Variants in CADPS2 observed in about 807,000 individuals in gnomAD.
CADPS2 encodes calcium dependent secretion activator 2.
A neutral mutation model predicts 172.5 loss-of-function variants in CADPS2; 93 were observed. The observed-to-expected ratio is 0.54, with a 90% CI of 0.46 to 0.64. CADPS2 has a LOEUF of 0.64. CADPS2 is among the 30% of genes least tolerant of loss of function. The probability of loss-of-function intolerance (pLI) is 0.00; values close to 1 mark genes in which losing one functional copy is unlikely to be tolerated. For synonymous variants in CADPS2, 546 were observed against 555.2 expected (o/e 0.98, Z 0.23); for missense variants, 1,420 against 1,565.9 (o/e 0.91, Z 1.57).
intron 25 of CADPS2, among the ~76,000 whole-genome samples, chr7:122,363,638 A>G (rs1469268815): frequency 6.6e-6 from 1 of 151,956 alleles, no homozygotes; most frequent in African/African-American, 2.4e-5. Flanking sequence ...ACTTCTCAGT[A>G]AAGTGGGGAA....
chr7:122,566,468 A>G (rs1317639496), intron 7 of CADPS2, among the ~76,000 whole-genome samples: 1 of 152,168 alleles, frequency 6.6e-6, no homozygotes, highest in African/African-American at 2.4e-5. Context: ...CTGCACTCCA[A>G]TGTTCATTGC....
At chr7:122,870,146 A>C (rs1236654532) in intron 1 of CADPS2, among the ~76,000 whole-genome samples, 2 of 152,046 alleles carry the variant, frequency 1.3e-5, no homozygotes, top group Admixed American at 6.6e-5. Context: ...TGATCAAAAG[A>C]CATCAAACAG....
At chr7:122,547,806 T>C (rs538851684) in intron 8 of CADPS2, among the ~76,000 whole-genome samples, 52 of 152,266 alleles carry the variant, frequency 3.4e-4, no homozygotes, top group African/African-American at 1.3e-3. Context: ...GTGAACAGGA[T>C]GGGCTGCTGT....
chr7:122,426,256 C>T (rs1228385943), intron 17 of CADPS2: 11 of 152,198 alleles, frequency 7.2e-5, no homozygotes, highest in Non-Finnish European at 1.6e-4. Context: ...TCTTCTAGGG[C>T]ATGCTAAGAT....
At chr7:122,812,301 C>A (rs1446118541) in intron 1 of CADPS2, among the ~76,000 whole-genome samples, 1 of 149,872 alleles carries the variant, frequency 6.7e-6, no homozygotes, top group African/African-American at 2.5e-5. Flanking sequence ...AAACTTTGAA[C>A]AATGCTAAAG....
chr7:122,807,784 G>A (rs1214062344), intron 1 of CADPS2, among the ~76,000 whole-genome samples: 5 of 152,182 alleles, frequency 3.3e-5, no homozygotes, highest in African/African-American at 1.2e-4. Context: ...GGGGCATTGG[G>A]GGAAGGTGGT....
At chr7:122,517,859 T>C (rs2060493268) in intron 8 of CADPS2, among the ~76,000 whole-genome samples, 1 of 151,976 alleles carries the variant, frequency 6.6e-6, no homozygotes, top group Non-Finnish European at 1.5e-5. Context: ...TTTTACTGTT[T>C]GGTAACTATC....
intron 14 of CADPS2, 109 bp downstream of exon 14, chr7:122,471,266 G>T: frequency 6.0e-4 from 196 of 324,278 alleles, no homozygotes; most frequent in Middle Eastern, 1.7e-3. Flanking sequence ...CTTGTAAGAA[G>T]TGTTTGCTAT....
At position 122,407,583 on chromosome 7, in the gene CADPS2, A is replaced by ACTAT; in HGVS notation, c.2699_2702dup (p.Ser901ArgfsTer2). On this transcript the variant is annotated stop_gained and frameshift_variant, in exon 20 of 30. Coordinates refer to ENST00000449022, the MANE Select transcript of CADPS2 (RefSeq NM_017954.11). LOFTEE classifies it high-confidence loss of function. Reference sequence around the variant, plus strand: ...TATTAAGCAGTTGGAAAAGAGGAAAACTATCCCAGGAGTCTTGCGGTTGAG... The same window carrying ACTAT: ...TATTAAGCAGTTGGAAAAGAGGAAAACTATCTATCCCAGGAGTCTTGCGGTTGAG... The ACTAT allele has an allele frequency of 6.2e-7, 1 of 1,612,312 alleles. No homozygotes were observed. The highest frequency in any genetic ancestry group is 8.5e-7 in the Non-Finnish European group (1 of 1,179,188).
intron 8 of CADPS2, among the ~76,000 whole-genome samples, chr7:122,541,806 TTTATATA>T (rs2063065079): frequency 2.8e-5 from 2 of 72,306 alleles, no homozygotes; most frequent in South Asian, 7.6e-4. Context: ...TTCATATATA[TTTATATA>T]TTCATATGTT....
At chr7:122,446,031 A>G (rs2052146320) in intron 15 of CADPS2, among the ~76,000 whole-genome samples, 1 of 152,172 alleles carries the variant, frequency 6.6e-6, no homozygotes, top group South Asian at 2.1e-4. Context: ...AAGAAGTGAG[A>G]GCAGACATCC....
chr7:122,468,895 T>C (rs2055523069), intron 14 of CADPS2, among the ~76,000 whole-genome samples: 1 of 152,188 alleles, frequency 6.6e-6, no homozygotes, highest in African/African-American at 2.4e-5. Context: ...ATTTCTTCCT[T>C]TCTTTTTCTT....
chr7:122,405,537 C>T (rs1316558057), intron 20 of CADPS2, among the ~76,000 whole-genome samples: 1 of 152,092 alleles, frequency 6.6e-6, no homozygotes, highest in Non-Finnish European at 1.5e-5. Flanking sequence ...GTGGTGCACG[C>T]CTGTAATCCC....
At chr7:122,383,190 A>C (rs1031196674) in intron 24 of CADPS2, among the ~76,000 whole-genome samples, 1 of 152,118 alleles carries the variant, frequency 6.6e-6, no homozygotes, top group Non-Finnish European at 1.5e-5. Flanking sequence ...AGCCACATGG[A>C]TGCAGCTGGA....
chr7:122,751,864 C>T (rs1478938038), intron 1 of CADPS2, among the ~76,000 whole-genome samples: 2 of 152,168 alleles, frequency 1.3e-5, no homozygotes, highest in African/African-American at 4.8e-5. Context: ...AAAAGGTATG[C>T]CTTTGGCTCC....
intron 27 of CADPS2, among the ~76,000 whole-genome samples, chr7:122,350,829 G>C (rs1428102572): frequency 6.6e-6 from 1 of 151,466 alleles, no homozygotes; most frequent in Non-Finnish European, 1.5e-5. Context: ...GTATAAAAAA[G>C]TAAAAAATTA....
At chr7:122,447,133 T>C (rs2052357045) in intron 15 of CADPS2, among the ~76,000 whole-genome samples, 1 of 150,670 alleles carries the variant, frequency 6.6e-6, no homozygotes, top group Admixed American at 6.7e-5. Flanking sequence ...TTTGCAGGGG[T>C]TAGATCTAAA....
At chr7:122,554,344 A>G (rs2064739271) in intron 8 of CADPS2, among the ~76,000 whole-genome samples, 1 of 152,096 alleles carries the variant, frequency 6.6e-6, no homozygotes, top group Non-Finnish European at 1.5e-5. Context: ...GCTCGCATAC[A>G]GTTATCTTAA....
intron 5 of CADPS2, among the ~76,000 whole-genome samples, chr7:122,619,774 G>A (rs2075369401): frequency 6.6e-6 from 1 of 152,204 alleles, no homozygotes; most frequent in Admixed American, 6.5e-5. Flanking sequence ...CAGGAATAAT[G>A]AGGAAATTCT....
Sources: allele counts gnomAD v4.1 joint callset (sites outside exome capture counted in the v4.1 genomes callset), GRCh38; gene constraint gnomAD v4.1.1; transcripts MANE v1.5; gene names NCBI Gene and HGNC (gene_info 2026-07-23, HGNC 2026-07-21).